Variants in PCDHA8 observed in about 807,000 individuals in gnomAD.
PCDHA8 encodes protocadherin alpha-8.
Under a neutral mutation model 61.8 loss-of-function variants are expected in PCDHA8, and 53 were observed. The ratio of observed to expected loss-of-function variants is 0.86; its 90% CI spans 0.69 to 1.08. The LOEUF is 1.08. Among genes scored for constraint, PCDHA8 ranks in the 50% least tolerant of loss-of-function variants. The pLI, the probability that PCDHA8 is intolerant of heterozygous loss-of-function variation, is 0.00. For synonymous variants in PCDHA8, 618 were observed against 556.6 expected, an observed-to-expected ratio of 1.11 and a Z score of -1.55; for missense variants, 1,293 against 1,245.0, an observed-to-expected ratio of 1.04 and a Z score of -0.58.
At chr5:140,879,303 G>A (rs2057936117) in intron 1 of PCDHA8, among the ~76,000 whole-genome samples, 1 of 152,184 alleles carries the variant, frequency 6.6e-6, no homozygotes. Flanking sequence ...AAAAACAAAA[G>A]TAGAAGTTGA....
chr5:140,975,868 C>T (rs553871611), intron 1 of PCDHA8, among the ~76,000 whole-genome samples: 2 of 152,222 alleles, frequency 1.3e-5, no homozygotes, highest in East Asian at 3.9e-4. Flanking sequence ...ATATGGACTA[C>T]CTAATTGATT....
At chr5:140,881,471 G>T (rs1420508750) in intron 1 of PCDHA8, 1 of 555,772 alleles carries the variant, frequency 1.8e-6, no homozygotes, top group Non-Finnish European at 2.3e-6. Flanking sequence ...CATTGTTGTG[G>T]CTAAATTATT....
intron 1 of PCDHA8, chr5:140,967,672 C>T: frequency 1.2e-6 from 2 of 1,614,182 alleles, no homozygotes; most frequent in Non-Finnish European, 8.5e-7. Context: ...ACACGTCGGA[C>T]CGGGAGAGGC....
chr5:140,841,807 TG>T lies in PCDHA8; in HGVS notation c.488del (p.Gly163GlufsTer6), dbSNP rs2150323037. On this transcript the variant is annotated frameshift_variant, in exon 1 of 4. Transcript: ENST00000531613. LOFTEE classifies it high-confidence loss of function. ...TAGAGGGCGCGTCCGATGCAGATGT[TG>T]GAGCTAACTCCGTGTTAACCTACAG... is the stretch of plus-strand genomic sequence containing the variant. The part of the protein sequence containing the change: ...PLEGASDADV[G>X]ANSVLTYRLS... 6.8e-6 allele frequency: 11 copies of T among 1,613,820 alleles called. No homozygotes were observed. The highest frequency in any genetic ancestry group is 9.3e-6 in the Non-Finnish European group (11 of 1,179,880).
intron 1 of PCDHA8, among the ~76,000 whole-genome samples, chr5:140,925,297 A>G (rs572435227): frequency 6.6e-6 from 1 of 152,246 alleles, no homozygotes; most frequent in Non-Finnish European, 1.5e-5. Context: ...ATGTTTCATT[A>G]TTGGGGCTTT....
chr5:140,862,857 T>C (rs782223560), intron 1 of PCDHA8: 7 of 517,122 alleles, frequency 1.4e-5, no homozygotes, highest in African/African-American at 1.1e-4. Context: ...TGAGCAGCAA[T>C]GTGACGCTGC....
chr5:140,869,332 G>A, intron 1 of PCDHA8: 3 of 1,613,960 alleles, frequency 1.9e-6, no homozygotes, highest in Middle Eastern at 1.7e-4. Flanking sequence ...CCTTCTGGAG[G>A]TAAATCTGCA....
intron 1 of PCDHA8, among the ~76,000 whole-genome samples, chr5:140,900,019 A>T (rs1164566696): frequency 1.3e-5 from 2 of 151,964 alleles, no homozygotes; most frequent in African/African-American, 4.8e-5. Flanking sequence ...TTTGTTACCC[A>T]GTTTGGCCTT....
rs149265547 is a variant in PCDHA8 at position 140,927,771 on chromosome 5, G to T, written c.2395-51178G>T. On this transcript the variant is annotated intron_variant, in intron 1 of 3. Coordinates refer to ENST00000531613, the MANE Select transcript of PCDHA8 (RefSeq NM_018911.3). Reference sequence around the variant, plus strand: ...ACGTGCACCCTAAAAGTGGGGAGGTGCAAGTAGCTGCTTCACTAGGTCCGC... The same window carrying T: ...ACGTGCACCCTAAAAGTGGGGAGGTTCAAGTAGCTGCTTCACTAGGTCCGC... The T allele has an allele frequency of 4.2e-4, 677 of 1,614,210 alleles. 4 individuals carry two copies. In the African/African-American group the frequency reaches 7.5e-3, roughly 18 times the overall value.
Position 140,842,919 on chromosome 5 carries a change from T to A in PCDHA8, c.1598T>A (p.Phe533Tyr). 1 of 1,594,538 alleles carries A rather than the reference T, an allele frequency of 6.3e-7. No individual in the cohort carries two copies. Among genetic ancestry groups the A allele is most frequent in the Non-Finnish European group, 8.6e-7 (1 of 1,165,444 alleles). The change falls in exon 1 of 4, where the codon TTC becomes TAC. Residue 533 changes from phenylalanine (F) to tyrosine (Y), a missense_variant. Coordinates refer to ENST00000531613, the MANE Select transcript of PCDHA8 (RefSeq NM_018911.3). ...LDHEELELLQ[F>Y]QVSARDAGVP... ...CACGAGGAGCTAGAGCTGCTGCAGT[T>A]CCAGGTGAGCGCGCGCGACGCGGGC...
intron 1 of PCDHA8, chr5:140,929,369 G>A: frequency 6.6e-7 from 1 of 1,515,248 alleles, no homozygotes; most frequent in Admixed American, 2.2e-5. Context: ...CCCGGAGATG[G>A]CTGCTAGCTG....
intron 1 of PCDHA8, chr5:140,876,573 C>T (rs2056433061): frequency 6.2e-7 from 1 of 1,614,152 alleles, no homozygotes; most frequent in South Asian, 1.1e-5. Context: ...AGGTGGGTAC[C>T]GTCATTGCCC....
chr5:140,990,621 G>A (rs75224471), intron 3 of PCDHA8, among the ~76,000 whole-genome samples: 1,861 of 152,288 alleles, frequency 0.012, 44 homozygotes, highest in African/African-American at 0.043. Context: ...GTAAAGGTCT[G>A]TGGTAAGACT....
intron 1 of PCDHA8, among the ~76,000 whole-genome samples, chr5:140,916,666 A>G (rs782065585): frequency 2.0e-5 from 3 of 152,176 alleles, no homozygotes; most frequent in Non-Finnish European, 2.9e-5. Flanking sequence ...AAGATGCAAG[A>G]CAAAGTCCTC....
chr5:140,962,511 C>T (rs1164554453), intron 1 of PCDHA8, among the ~76,000 whole-genome samples: 1 of 152,106 alleles, frequency 6.6e-6, no homozygotes, highest in Non-Finnish European at 1.5e-5. Flanking sequence ...AGCCAACTAT[C>T]AATAATATAT....
intron 3 of PCDHA8, among the ~76,000 whole-genome samples, chr5:141,002,937 C>T (rs2098103358): frequency 6.6e-6 from 1 of 152,232 alleles, no homozygotes; most frequent in Non-Finnish European, 1.5e-5. Context: ...CCAACACCCT[C>T]CAGCACATGC....
chr5:140,875,246 C>A (rs2055373842), intron 1 of PCDHA8: 3 of 955,372 alleles, frequency 3.1e-6, no homozygotes, highest in Non-Finnish European at 4.4e-6. Flanking sequence ...CTTACATAAT[C>A]AGTCACATGA....
At chr5:140,877,390 G>C in intron 1 of PCDHA8, 1 of 1,613,986 alleles carries the variant, frequency 6.2e-7, no homozygotes, top group Non-Finnish European at 8.5e-7. Flanking sequence ...CCTGGATGAG[G>C]CGGACGCTCC....
Position 141,010,227 on chromosome 5 carries a change from C to T in PCDHA8, c.*290C>T. 6.4e-7 allele frequency: 1 copy of T among 1,551,876 alleles called. No homozygotes were observed. The highest frequency in any genetic ancestry group is 8.7e-7 in the Non-Finnish European group (1 of 1,147,036). On this transcript the variant is annotated 3_prime_UTR_variant, in exon 4 of 4. Coordinates refer to ENST00000531613, the MANE Select transcript of PCDHA8 (RefSeq NM_018911.3). ...GCCGCAAAGGAGAGGCTTCCCAGCC[C>T]CGCCAGTGAGAGGTTGGACTCTCTG...
Sources: gnomAD v4.1 joint callset for allele counts (sites outside exome capture counted in the v4.1 genomes callset) on GRCh38, gnomAD v4.1.1 for gene constraint, MANE v1.5 for transcripts, NCBI Gene and HGNC (gene_info 2026-07-23, HGNC 2026-07-21) for gene names.